SPSB4: variants seen among roughly 807,000 people sequenced by gnomAD.
SPSB4 encodes the protein SPRY domain-containing SOCS box protein 4.
A neutral mutation model predicts 20.9 loss-of-function variants in SPSB4; 21 were observed. The observed-to-expected ratio is 1.01, with a 90% CI of 0.71 to 1.45. The LOEUF (loss-of-function observed/expected upper bound fraction) is 1.45, where lower values mean the gene tolerates loss of function less well. Among genes scored for constraint, SPSB4 ranks in the 40% most tolerant of loss-of-function variants. SPSB4 has a pLI of 0.00. For missense variants in SPSB4, 399 were observed against 399.2 expected, an observed-to-expected ratio of 1.00 and a Z score of 0.00; for synonymous variants, 207 against 183.8, an observed-to-expected ratio of 1.13 and a Z score of -1.02.
At chr3:141,108,204 C>T (rs1298510877) in intron 2 of SPSB4, among the ~76,000 whole-genome samples, 1 of 151,988 alleles carries the variant, frequency 6.6e-6, no homozygotes, top group African/African-American at 2.4e-5. Flanking sequence ...GTGGGAGTCT[C>T]GTTACCACAG....
intron 2 of SPSB4, among the ~76,000 whole-genome samples, chr3:141,133,549 C>A (rs953565548): frequency 1.3e-5 from 2 of 152,104 alleles, no homozygotes; most frequent in Non-Finnish European, 2.9e-5. Flanking sequence ...AATAGGTTGT[C>A]CTTTTCCCAC....
At chr3:141,089,355 AC>A (rs1938408359) in intron 2 of SPSB4, among the ~76,000 whole-genome samples, 1 of 152,118 alleles carries the variant, frequency 6.6e-6, no homozygotes, top group African/African-American at 2.4e-5. Context: ...TGCAGTAAGG[AC>A]CCCAGGTGCC....
chr3:141,069,141 C>T (rs1267601215), intron 2 of SPSB4, among the ~76,000 whole-genome samples: 1 of 152,118 alleles, frequency 6.6e-6, no homozygotes, highest in Non-Finnish European at 1.5e-5. Flanking sequence ...ATAGCACTAG[C>T]CTGTTCTCTA....
chr3:141,134,040 T>TTC (rs1559856600), intron 2 of SPSB4, among the ~76,000 whole-genome samples: 113 of 97,764 alleles, frequency 1.2e-3, no homozygotes, highest in African/African-American at 5.1e-3. Context: ...CTTTTCTTTT[T>TTC]TTTTTTTTCT....
intron 2 of SPSB4, among the ~76,000 whole-genome samples, chr3:141,146,308 C>A (rs1286411921): frequency 6.6e-6 from 1 of 152,130 alleles, no homozygotes; most frequent in Non-Finnish European, 1.5e-5. Flanking sequence ...GAAAATGTAA[C>A]CCGCTGCTGA....
chr3:141,141,679 C>CT (rs569784287), intron 2 of SPSB4, among the ~76,000 whole-genome samples: 2 of 151,240 alleles, frequency 1.3e-5, no homozygotes, highest in Non-Finnish European at 1.5e-5. Flanking sequence ...TGGTCCTTGA[C>CT]TTTTTTTTTG....
rs148353840 is a variant in SPSB4, at chr3:141,099,329, C to T, written c.694+32531C>T. ...CCTCCCGTGTAGCTGGGACTACAGG[C>T]GCATGCCACCATGCCCGGCTAATTT... On this transcript the variant is annotated intron_variant, in intron 2 of 2. Coordinates refer to ENST00000310546, the MANE Select transcript of SPSB4 (RefSeq NM_080862.3). Among the ~76,000 whole-genome samples the T allele has an allele frequency of 9.0e-3, 1,369 of 152,152 alleles. 20 individuals carry two copies. The highest frequency in any genetic ancestry group is 0.028 in the African/African-American group (1,178 of 41,506).
At chr3:141,121,910 T>G (rs1938973706) in intron 2 of SPSB4, among the ~76,000 whole-genome samples, 1 of 152,236 alleles carries the variant, frequency 6.6e-6, no homozygotes, top group Non-Finnish European at 1.5e-5. Flanking sequence ...TGAAGCCTAC[T>G]TCTGTCAACT....
Position 141,094,109 on chromosome 3 carries a change from A to G in SPSB4, c.694+27311A>G, listed in dbSNP as rs549618848. Among the ~76,000 whole-genome samples the G allele has an allele frequency of 5.6e-3, 847 of 152,322 alleles. 8 individuals carry two copies. The highest frequency in any genetic ancestry group is 0.019 in the African/African-American group (810 of 41,566). On this transcript the variant is annotated intron_variant, in intron 2 of 2. Transcript: ENST00000310546. ...TGTATCTCTACAGCAAGCGGTTTGC[A>G]GCAGCCTTGCTGCCTGAGGTCGGCT...
chr3:141,069,976 G>A (rs1201139432), intron 2 of SPSB4, among the ~76,000 whole-genome samples: 2 of 152,196 alleles, frequency 1.3e-5, no homozygotes, highest in Non-Finnish European at 2.9e-5. Flanking sequence ...TATTCACTGA[G>A]GGCACGAACT....
At chr3:141,101,903 G>A (rs534712976) in intron 2 of SPSB4, among the ~76,000 whole-genome samples, 1 of 152,214 alleles carries the variant, frequency 6.6e-6, no homozygotes, top group East Asian at 1.9e-4. Context: ...CATTTAGAGA[G>A]ATGCTTGTAA....
intron 1 of SPSB4, among the ~76,000 whole-genome samples, chr3:141,052,827 C>A (rs1936119072): frequency 6.6e-6 from 1 of 152,180 alleles, no homozygotes; most frequent in East Asian, 1.9e-4. Flanking sequence ...CAAATGTGTC[C>A]GCCCTGGTCG....
intron 2 of SPSB4, among the ~76,000 whole-genome samples, chr3:141,110,020 G>A (rs1404222879): frequency 6.6e-6 from 1 of 152,172 alleles, no homozygotes; most frequent in Non-Finnish European, 1.5e-5. Context: ...GAGAAATGGT[G>A]CCTCCTCTGT....
intron 2 of SPSB4, among the ~76,000 whole-genome samples, chr3:141,074,047 G>A (rs1938055945): frequency 6.6e-6 from 1 of 152,226 alleles, no homozygotes; most frequent in Non-Finnish European, 1.5e-5. Context: ...CTTGCAGAAA[G>A]GTGGCTTTGA....
At chr3:141,110,746 TCTG>T (rs1023346103) in intron 2 of SPSB4, among the ~76,000 whole-genome samples, 1 of 152,194 alleles carries the variant, frequency 6.6e-6, no homozygotes, top group Non-Finnish European at 1.5e-5. Flanking sequence ...ACACATCACT[TCTG>T]CTGCCATTTC....
At chr3:141,131,483 CT>C (rs1939129128) in intron 2 of SPSB4, among the ~76,000 whole-genome samples, 1 of 152,076 alleles carries the variant, frequency 6.6e-6, no homozygotes, top group Admixed American at 6.5e-5. Flanking sequence ...CCAGCCCCCC[CT>C]TCCCAACCCC....
chr3:141,059,182 T>G (rs1454543263), intron 1 of SPSB4, among the ~76,000 whole-genome samples: 1 of 152,156 alleles, frequency 6.6e-6, no homozygotes, highest in African/African-American at 2.4e-5. Context: ...CCAGGAGGCC[T>G]ACTGGATCAG....
At chr3:141,056,978 T>C (rs1257286810) in intron 1 of SPSB4, among the ~76,000 whole-genome samples, 1 of 152,196 alleles carries the variant, frequency 6.6e-6, no homozygotes, top group Non-Finnish European at 1.5e-5. Flanking sequence ...AGCTTGCACC[T>C]TGGGGGCCCC....
At chr3:141,111,353 G>GTTTTT (rs1316349967) in intron 2 of SPSB4, among the ~76,000 whole-genome samples, 4 of 47,606 alleles carry the variant, frequency 8.4e-5, no homozygotes, top group African/African-American at 3.8e-4. Flanking sequence ...CCTGGAACTT[G>GTTTTT]CTTTTTTTTT....
Sources: gnomAD v4.1 joint callset for allele counts (sites outside exome capture counted in the v4.1 genomes callset) on GRCh38, gnomAD v4.1.1 for gene constraint, MANE v1.5 for transcripts, NCBI Gene and HGNC (gene_info 2026-07-23, HGNC 2026-07-21) for gene names.